CMIP: variants seen among roughly 807,000 people sequenced by gnomAD.
The protein encoded by CMIP is c-Maf inducing protein.
CMIP carries 13 observed loss-of-function variants against 97.3 expected under a neutral mutation model. The observed-to-expected ratio is 0.13, with a 90% CI of 0.09 to 0.21. The LOEUF is 0.21. Among genes scored for constraint, CMIP ranks in the 10% least tolerant of loss-of-function variants. The probability of loss-of-function intolerance (pLI) is 1.00; values close to 1 mark genes in which losing one functional copy is unlikely to be tolerated. For missense variants in CMIP, 847 were observed against 1,024.9 expected (o/e 0.83, Z 2.37); for synonymous variants, 538 against 436.3 (o/e 1.23, Z -2.91).
chr16:81,461,636 T>C (rs1310656170), intron 1 of CMIP, among the ~76,000 whole-genome samples: 1 of 152,218 alleles, frequency 6.6e-6, no homozygotes, highest in Non-Finnish European at 1.5e-5. Context: ...CAGTGGGATT[T>C]TTTTGAAGCC....
At chr16:81,486,984 C>T (rs1419789427) in intron 1 of CMIP, among the ~76,000 whole-genome samples, 2 of 152,248 alleles carry the variant, frequency 1.3e-5, no homozygotes, top group Non-Finnish European at 2.9e-5. Context: ...CGTTGAGCGC[C>T]GTGAGGGAAG....
chr16:81,701,633 G>C (rs763417857), intron 15 of CMIP, 27 bp from the exon 16 acceptor site: 1 of 1,613,640 alleles, frequency 6.2e-7, no homozygotes, highest in Non-Finnish European at 8.5e-7. Context: ...GGCCGGGTCC[G>C]TAATGCACCC....
chr16:81,679,585 G>T (rs1904658382), intron 10 of CMIP, among the ~76,000 whole-genome samples: 1 of 152,006 alleles, frequency 6.6e-6, no homozygotes, highest in South Asian at 2.1e-4. Flanking sequence ...GTGTGCCTGG[G>T]TGTCTATGTG....
chr16:81,450,664 AG>A (rs1236337204), intron 1 of CMIP, among the ~76,000 whole-genome samples: 1 of 152,196 alleles, frequency 6.6e-6, no homozygotes, highest in Non-Finnish European at 1.5e-5. Context: ...GGGGAAAGCT[AG>A]GGGTGTTTAG....
At position 81,567,234 on chromosome 16, in the gene CMIP, C is replaced by T. The variant is rs187191724; in HGVS notation, c.301-40333C>T. On this transcript the variant is annotated intron_variant, in intron 1 of 20. Transcript: ENST00000537098. ...GCCGCCTGGCGGAAACCCCGCACCA[C>T]GGGAGCTTGTGCTGCTCTCAGGGCA... Among the ~76,000 whole-genome samples, 7 of 152,394 alleles carry T rather than the reference C, an allele frequency of 4.6e-5. No homozygotes were observed. In the East Asian group the frequency reaches 9.6e-4, roughly 21 times the overall value.
At chr16:81,700,704 G>T in intron 15 of CMIP, 1 of 152,924 alleles carries the variant, frequency 6.5e-6, no homozygotes. Flanking sequence ...AAGAGGCAGC[G>T]GGAAGGTGGG....
intron 14 of CMIP, among the ~76,000 whole-genome samples, chr16:81,698,842 A>T (rs1033104851): frequency 5.9e-5 from 9 of 152,232 alleles, no homozygotes; most frequent in Non-Finnish European, 1.3e-4. Context: ...ACCTCATGTA[A>T]GTGGAGTCAG....
chr16:81,582,398 A>T (rs907158701), intron 1 of CMIP, among the ~76,000 whole-genome samples: 2 of 152,130 alleles, frequency 1.3e-5, no homozygotes, highest in African/African-American at 4.8e-5. Flanking sequence ...TATCAGACTG[A>T]GCTTGAGAAG....
At chr16:81,513,200 G>T (rs1206091109) in intron 1 of CMIP, among the ~76,000 whole-genome samples, 1 of 152,220 alleles carries the variant, frequency 6.6e-6, no homozygotes, top group African/African-American at 2.4e-5. Flanking sequence ...TCTCCCCCTA[G>T]ATCGAGTTTT....
intron 1 of CMIP, among the ~76,000 whole-genome samples, chr16:81,544,958 A>G (rs973302359): frequency 6.6e-6 from 1 of 152,124 alleles, no homozygotes; most frequent in Non-Finnish European, 1.5e-5. Flanking sequence ...AGGCTGCCAA[A>G]TTGGGGCCAG....
intron 1 of CMIP, among the ~76,000 whole-genome samples, chr16:81,446,194 G>A (rs145057734): frequency 6.8e-4 from 103 of 152,164 alleles, no homozygotes; most frequent in Admixed American, 1.8e-3. Flanking sequence ...AGCGGTGGTC[G>A]AGTTCTAGCC....
chr16:81,551,089 G>A (rs1354418312), intron 1 of CMIP, among the ~76,000 whole-genome samples: 3 of 105,800 alleles, frequency 2.8e-5, no homozygotes, highest in Admixed American at 1.0e-4. Context: ...CCCGTCACAC[G>A]CACCCCAGTT....
At chr16:81,533,464 CTTTA>C (rs1321180526) in intron 1 of CMIP, among the ~76,000 whole-genome samples, 4 of 152,148 alleles carry the variant, frequency 2.6e-5, no homozygotes, top group African/African-American at 9.7e-5. Flanking sequence ...TCATTATGTG[CTTTA>C]TTGTTTTTAT....
At chr16:81,675,902 C>T (rs986981918) in intron 9 of CMIP, among the ~76,000 whole-genome samples, 9 of 152,176 alleles carry the variant, frequency 5.9e-5, no homozygotes, top group Admixed American at 3.3e-4. Context: ...AGCTCCCAGG[C>T]GAAGCTGCAG....
At position 81,637,441 on chromosome 16, in the gene CMIP, A is replaced by G. The variant is rs147505239; in HGVS notation, c.478-14762A>G. Among the ~76,000 whole-genome samples the G allele has an allele frequency of 3.1e-3, 471 of 152,308 alleles. 2 individuals carry two copies. The highest frequency in any genetic ancestry group is 0.011 in the African/African-American group (458 of 41,564). On this transcript the variant is annotated intron_variant, in intron 3 of 20. Transcript: ENST00000537098. Reference sequence around the variant, plus strand: ...TGTCCTACTGAACTCAATAGGTGTCATTTATCAAGCCTGAAATGTGACATT... The same window carrying G: ...TGTCCTACTGAACTCAATAGGTGTCGTTTATCAAGCCTGAAATGTGACATT...
Position 81,698,422 on chromosome 16 carries a change from A to G in CMIP, c.1639-1263A>G, listed in dbSNP as rs556853497. 1.2e-4 allele frequency among the ~76,000 whole-genome samples: 18 copies of G among 152,250 alleles called. No individual in the cohort carries two copies. The East Asian group carries it at 3.5e-3, about 29-fold the overall frequency. Reference sequence around the variant, plus strand: ...TTCCTGGGGCGCAGGCAGTCTCCCAAAACACCCTTCCGAGCTCACAGCGGG... The same window carrying G: ...TTCCTGGGGCGCAGGCAGTCTCCCAGAACACCCTTCCGAGCTCACAGCGGG... On this transcript the variant is annotated intron_variant, in intron 14 of 20. Coordinates refer to ENST00000537098, the MANE Select transcript of CMIP (RefSeq NM_198390.3).
At chr16:81,663,801 C>T (rs1054846247) in intron 6 of CMIP, among the ~76,000 whole-genome samples, 1 of 152,152 alleles carries the variant, frequency 6.6e-6, no homozygotes, top group African/African-American at 2.4e-5. Context: ...GAAAGGGGAC[C>T]GTGGTGCACT....
chr16:81,652,100 A>G lies in CMIP; in HGVS notation c.478-103A>G. 1 of 864,496 alleles carries G rather than the reference A, an allele frequency of 1.2e-6. No individual in the cohort carries two copies. The highest frequency in any genetic ancestry group is 2.5e-5 in the East Asian group (1 of 39,924). 53.6% of individuals were successfully genotyped at this position (864,496 alleles called of 1,614,324 possible). On this transcript the variant is annotated intron_variant, in intron 3 of 20. Coordinates refer to ENST00000537098, the MANE Select transcript of CMIP (RefSeq NM_198390.3). The surrounding 1 kb of genome is among the most constrained non-coding windows in gnomAD (Gnocchi z 5.2). ...GACTGGGCCAAGTTGTCAGTTTCTC[A>G]GGGCCCTTTACACCCTAACCCATCT...
At chr16:81,593,232 G>A (rs1301060121) in intron 1 of CMIP, among the ~76,000 whole-genome samples, 1 of 152,176 alleles carries the variant, frequency 6.6e-6, no homozygotes, top group Non-Finnish European at 1.5e-5. Flanking sequence ...CTGTGCTGCT[G>A]AGGTCTGGGC....
Sources: gnomAD v4.1 joint callset for allele counts (sites outside exome capture counted in the v4.1 genomes callset) on GRCh38, gnomAD v4.1.1 for gene constraint, Gnocchi (gnomAD v3.1) non-coding constraint, MANE v1.5 for transcripts, NCBI Gene and HGNC (gene_info 2026-07-23, HGNC 2026-07-21) for gene names.